LINGO2: variants seen among roughly 807,000 people sequenced by gnomAD.
LINGO2 encodes the protein leucine rich repeat and Ig domain containing 2, also known as leucine-rich repeat and immunoglobulin-like domain-containing nogo receptor-interacting protein 2.
Under a neutral mutation model 30.6 loss-of-function variants are expected in LINGO2, and 14 were observed. The ratio of observed to expected loss-of-function variants is 0.46; its 90% CI spans 0.30 to 0.72. The LOEUF is 0.72. Ranked by LOEUF, LINGO2 falls within the 30% of genes least tolerant of loss-of-function variation. The probability of loss-of-function intolerance (pLI) is 0.07; values close to 1 mark genes in which losing one functional copy is unlikely to be tolerated. For missense variants in LINGO2, 729 were observed against 751.7 expected (o/e 0.97, Z 0.35); for synonymous variants, 317 against 288.5 (o/e 1.10, Z -1.00).
intron 4 of LINGO2, among the ~76,000 whole-genome samples, chr9:28,231,724 A>G (rs1390114907): frequency 6.6e-6 from 1 of 152,066 alleles, no homozygotes; most frequent in African/African-American, 2.4e-5. Context: ...ATCCCTCACC[A>G]AATCCTTGTT....
chr9:28,175,138 T>G (rs775500817), intron 4 of LINGO2, among the ~76,000 whole-genome samples: 2 of 152,068 alleles, frequency 1.3e-5, no homozygotes, highest in Non-Finnish European at 2.9e-5. Flanking sequence ...ACACAATCAT[T>G]AGAAGGGCCA....
the LINGO2 span, among the ~76,000 whole-genome samples, chr9:28,875,025 G>C: frequency 6.6e-6 from 1 of 152,064 alleles, no homozygotes; most frequent in Non-Finnish European, 1.5e-5. Context: ...CTCTCAGAGA[G>C]AATTATAGAC....
At chr9:29,206,540 C>T in the LINGO2 span, among the ~76,000 whole-genome samples, 1 of 152,130 alleles carries the variant, frequency 6.6e-6, no homozygotes. Flanking sequence ...CAGTGTTATA[C>T]TCACTCTCAG....
the LINGO2 span, among the ~76,000 whole-genome samples, chr9:29,080,084 T>A: frequency 6.6e-6 from 1 of 152,088 alleles, no homozygotes; most frequent in Non-Finnish European, 1.5e-5. Flanking sequence ...TGGACTTTTT[T>A]TGGTTGGTAG....
chr9:28,005,295 G>A (rs1822206749), intron 5 of LINGO2, among the ~76,000 whole-genome samples: 1 of 152,148 alleles, frequency 6.6e-6, no homozygotes, highest in Non-Finnish European at 1.5e-5. Context: ...ATGTGTAGCT[G>A]TTTTAACCTT....
At chr9:28,992,023 T>A in the LINGO2 span, among the ~76,000 whole-genome samples, 9 of 151,818 alleles carry the variant, frequency 5.9e-5, no homozygotes, top group African/African-American at 9.7e-5. Flanking sequence ...CAATATTAAC[T>A]TTAAATGTAA....
the LINGO2 span, among the ~76,000 whole-genome samples, chr9:28,853,405 C>T: frequency 1.3e-5 from 2 of 151,980 alleles, no homozygotes; most frequent in African/African-American, 4.8e-5. Context: ...ATGAAACTAG[C>T]TGTCAAATAT....
intron 5 of LINGO2, among the ~76,000 whole-genome samples, chr9:28,009,139 A>G (rs972459416): frequency 5.3e-4 from 5 of 9,522 alleles, no homozygotes; most frequent in Non-Finnish European, 7.4e-4. Context: ...TCAAAGGGAA[A>G]AGTTTTTTTT....
At chr9:28,946,084 C>T in the LINGO2 span, among the ~76,000 whole-genome samples, 1 of 152,112 alleles carries the variant, frequency 6.6e-6, no homozygotes, top group East Asian at 1.9e-4. Context: ...TATGAAAGAT[C>T]ACCAGTAATG....
At chr9:28,742,479 GATT>G in the LINGO2 span, among the ~76,000 whole-genome samples, 1 of 151,250 alleles carries the variant, frequency 6.6e-6, no homozygotes, top group Non-Finnish European at 1.5e-5. Context: ...CAGTGGTTGC[GATT>G]GGGCTTTAAA....
the LINGO2 span, among the ~76,000 whole-genome samples, chr9:29,114,284 G>A: frequency 1.3e-5 from 2 of 151,344 alleles, no homozygotes; most frequent in South Asian, 2.1e-4. Flanking sequence ...AAAGTACCAC[G>A]GCTTCAAGTT....
chr9:28,419,270 A>G (rs1017462191), intron 2 of LINGO2, among the ~76,000 whole-genome samples: 1 of 152,074 alleles, frequency 6.6e-6, no homozygotes, highest in Non-Finnish European at 1.5e-5. Flanking sequence ...AGTTTTGAAA[A>G]CTTCTTGAAT....
At position 28,147,702 on chromosome 9, in the gene LINGO2, G is replaced by C. The variant is rs569093310; in HGVS notation, c.-86-135297C>G. Among the ~76,000 whole-genome samples the C allele has an allele frequency of 4.6e-5, 7 of 152,286 alleles. No individual in the cohort carries two copies. In the South Asian group the frequency reaches 1.5e-3, roughly 32 times the overall value. ...GCACCCCCAACAGCCCCACGGGGGG[G>C]CCCGTCCAGGGCCACACAACTGCCC... On this transcript the variant is annotated intron_variant, in intron 4 of 5. Coordinates refer to ENST00000379992, the Ensembl canonical transcript of LINGO2. This position sits in a 1 kb window ranked among gnomAD's most constrained non-coding sequence, Gnocchi z 4.7.
chr9:28,347,681 C>G (rs7850577), intron 3 of LINGO2, among the ~76,000 whole-genome samples: 2,988 of 152,248 alleles, frequency 0.02, 110 homozygotes, highest in African/African-American at 0.068. Context: ...TCTTAATCTC[C>G]AGACTCCACT....
the LINGO2 span, among the ~76,000 whole-genome samples, chr9:28,961,467 G>T: frequency 6.6e-6 from 1 of 152,122 alleles, no homozygotes; most frequent in African/African-American, 2.4e-5. Context: ...AATGGAGTAG[G>T]ACTCATCCAT....
the LINGO2 span, among the ~76,000 whole-genome samples, chr9:28,974,396 ACT>A: frequency 6.6e-6 from 1 of 152,122 alleles, no homozygotes; most frequent in Non-Finnish European, 1.5e-5. Context: ...ACAGTGGAAG[ACT>A]CTGTCTCAAA....
At chr9:28,623,671 T>C (rs77796600) in intron 1 of LINGO2, among the ~76,000 whole-genome samples, 1 of 152,108 alleles carries the variant, frequency 6.6e-6, no homozygotes, top group Non-Finnish European at 1.5e-5. Context: ...TAGCTTTGGC[T>C]ATTCTGGGTC....
intron 4 of LINGO2, among the ~76,000 whole-genome samples, chr9:28,099,301 CA>C (rs550838377): frequency 9.9e-5 from 15 of 152,068 alleles, no homozygotes; most frequent in Non-Finnish European, 1.5e-4. Context: ...ATAAATACAA[CA>C]AAATATCAGC....
At chr9:28,825,488 G>A in the LINGO2 span, among the ~76,000 whole-genome samples, 7 of 151,658 alleles carry the variant, frequency 4.6e-5, no homozygotes, top group East Asian at 7.8e-4. Context: ...TCACACTGAC[G>A]TCAAGAACTT....
Sources: allele counts gnomAD v4.1 joint callset (sites outside exome capture counted in the v4.1 genomes callset), GRCh38; gene constraint gnomAD v4.1.1; non-coding constraint Gnocchi (gnomAD v3.1); transcripts MANE v1.5; gene names NCBI Gene and HGNC (gene_info 2026-07-23, HGNC 2026-07-21).